The following PSIP1 variants were observed in gnomAD, a reference collection of about 807,000 sequenced individuals.
PSIP1 encodes the protein PC4 and SRSF1 interacting protein 1.
PSIP1 carries 19 observed loss-of-function variants against 74.7 expected under a neutral mutation model. The observed-to-expected ratio is 0.25, with a 90% CI of 0.18 to 0.37. The LOEUF is 0.37. Ranked by LOEUF, PSIP1 falls within the 10% of genes least tolerant of loss-of-function variation. The pLI is 1.00. For missense variants in PSIP1, 601 were observed against 614.3 expected (o/e 0.98, Z 0.23); for synonymous variants, 222 against 195.3 (o/e 1.14, Z -1.14).
At chr9:15,502,714 A>G (rs993828191) in intron 3 of PSIP1, among the ~76,000 whole-genome samples, 6 of 152,258 alleles carry the variant, frequency 3.9e-5, no homozygotes, top group African/African-American at 9.6e-5. Flanking sequence ...GGGAAAGACT[A>G]TAACATGTAA....
Position 15,485,982 on chromosome 9 carries a change from T to C in PSIP1, c.456+24A>G, listed in dbSNP as rs1464926675. 1.3e-5 allele frequency: 21 copies of C among 1,568,828 alleles called. No homozygotes were observed. In the East Asian group the frequency reaches 1.8e-4, roughly 13 times the overall value. Reference sequence around the variant, plus strand: ...AATAAAAATTCTTTTCAGATCCCCATGGTTGGTAAGTCAGTGAAATTACCT... The same window carrying C: ...AATAAAAATTCTTTTCAGATCCCCACGGTTGGTAAGTCAGTGAAATTACCT... On this transcript the variant is annotated intron_variant, in intron 6 of 15. Transcript: ENST00000380733.
At chr9:15,490,667 A>G (rs186874658) in intron 3 of PSIP1, among the ~76,000 whole-genome samples, 3,406 of 129,110 alleles carry the variant, frequency 0.026, 55 homozygotes, top group Non-Finnish European at 0.041. Flanking sequence ...TGGGTGACAG[A>G]GTGAGACTCT....
At position 15,464,659 on chromosome 9, in the gene PSIP1, G is replaced by A. The variant is rs949902310; in HGVS notation, c.*861C>T. The A allele has an allele frequency of 5.0e-6, 1 of 198,358 alleles. No homozygotes were observed. Among genetic ancestry groups the A allele is most frequent in the Non-Finnish European group, 1.0e-5 (1 of 96,170 alleles). 12.3% of individuals were successfully genotyped at this position (198,358 alleles called of 1,614,324 possible). On this transcript the variant is annotated 3_prime_UTR_variant, in exon 16 of 16. Transcript: ENST00000380733. Reference sequence around the variant, plus strand: ...TTTTTTCTTCCAATTAAGTTTTAGTGACTTCCTAAAGACATTTTTAACAAC... The same window carrying A: ...TTTTTTCTTCCAATTAAGTTTTAGTAACTTCCTAAAGACATTTTTAACAAC...
At chr9:15,498,216 G>A (rs1357107383) in intron 3 of PSIP1, among the ~76,000 whole-genome samples, 1 of 152,112 alleles carries the variant, frequency 6.6e-6, no homozygotes, top group African/African-American at 2.4e-5. Flanking sequence ...AGGAGTTCGA[G>A]ACCAGCCTGG....
Position 15,477,852 on chromosome 9 carries a change from T to G in PSIP1, c.629+625A>C, listed in dbSNP as rs575592183. 3.3e-5 allele frequency among the ~76,000 whole-genome samples: 5 copies of G among 152,154 alleles called. No individual in the cohort carries two copies. The East Asian group carries it at 5.8e-4, about 18-fold the overall frequency. Reference sequence around the variant, plus strand: ...ATTCTAGAGGAGATAAAAAAAAGATTTGTAGGCTAGGCACGTGGCTCACCC... The same window carrying G: ...ATTCTAGAGGAGATAAAAAAAAGATGTGTAGGCTAGGCACGTGGCTCACCC... On this transcript the variant is annotated intron_variant, in intron 8 of 15. Transcript: ENST00000380733.
At position 15,469,999 on chromosome 9, in the gene PSIP1, A is replaced by G. The variant is rs1320635329; in HGVS notation, c.978-6T>C. The G allele has an allele frequency of 1.3e-6, 2 of 1,599,722 alleles. No individual in the cohort carries two copies. The highest frequency in any genetic ancestry group is 8.5e-7 in the Non-Finnish European group (1 of 1,172,872). ...TTCCTTCATCTTTATTCTGCCTATC[A>G]AATGTTAACAAAAATATTTCAACAC... On this transcript the variant is annotated splice_polypyrimidine_tract_variant and splice_region_variant and intron_variant, in intron 10 of 15. Coordinates refer to ENST00000380733, the MANE Select transcript of PSIP1 (RefSeq NM_033222.5).
chr9:15,498,667 T>C (rs536970123), intron 3 of PSIP1, among the ~76,000 whole-genome samples: 1 of 151,996 alleles, frequency 6.6e-6, no homozygotes, highest in East Asian at 1.9e-4. Flanking sequence ...AAATTACATA[T>C]AAAAAAATCC....
rs182304393 is a variant in PSIP1, at chr9:15,466,816, A to G, written c.1464T>C (p.Asn488=). The stretch of plus-strand genomic sequence containing the variant: ...TGCTCTCCCCGTTATGTTGTGGCTG[A>G]TTACCATCTTGAGCATCAGATCCTC... ...LNGGSDAQDG[N]QPQHNGESNE... is the part of the protein sequence containing the mutation. Residue 488 remains asparagine (N), a synonymous_variant, in exon 15 of 16, where the codon AAT becomes AAC. Transcript: ENST00000380733. The G allele has an allele frequency of 1.4e-5, 22 of 1,613,360 alleles. No individual in the cohort carries two copies. In the African/African-American group the frequency reaches 2.1e-4, roughly 16 times the overall value.
rs1563871198 is a variant in PSIP1 at position 15,474,216 on chromosome 9, AC to A, written c.650del (p.Ser217IlefsTer48). ...ESDIITEEDKSKKKGQEEKQP... is the reference protein window; with the variant it reads ...ESDIITEEDKXKKKGQEEKQP... ...GTTTTTCCTCTTGCCCCTTTTTCTT[AC>A]TTTTGTCCTCTTCAGTAATGCTATT... On this transcript the variant is annotated frameshift_variant, in exon 9 of 16. Coordinates refer to ENST00000380733, the MANE Select transcript of PSIP1 (RefSeq NM_033222.5). LOFTEE classifies it high-confidence loss of function. 6.2e-7 allele frequency: 1 copy of A among 1,610,384 alleles called. No individual in the cohort carries two copies. Among genetic ancestry groups the A allele is most frequent in the Non-Finnish European group, 8.5e-7 (1 of 1,179,202 alleles).
chr9:15,484,807 G>A (rs933747042), intron 6 of PSIP1, among the ~76,000 whole-genome samples: 1 of 151,874 alleles, frequency 6.6e-6, no homozygotes, highest in African/African-American at 2.4e-5. Flanking sequence ...CAGCTACTTG[G>A]GAGGCCGAGG....
intron 4 of PSIP1, among the ~76,000 whole-genome samples, chr9:15,487,949 A>G (rs2036627380): frequency 6.6e-6 from 1 of 152,214 alleles, no homozygotes; most frequent in South Asian, 2.1e-4. Context: ...GCAATGAAAG[A>G]TTTATATGTT....
At chr9:15,510,087 T>G (rs767196545) in intron 2 of PSIP1, 30 bp downstream of exon 2, 1 of 1,595,392 alleles carries the variant, frequency 6.3e-7, no homozygotes. Flanking sequence ...AGGGTAGCAC[T>G]GCTAAGCGCG....
chr9:15,468,652 T>A lies in PSIP1; in HGVS notation c.1398A>T (p.Lys466Asn). The part of the protein sequence containing the change: ...TKDQGKKGPN[K>N]KLEKEQTGSK... ...TACCTGTTTGTTCCTTCTCTAGCTTTTTGTTTGGCCCTTTCTTCCCTTGAT... is the reference window on the plus strand; with the variant it reads ...TACCTGTTTGTTCCTTCTCTAGCTTATTGTTTGGCCCTTTCTTCCCTTGAT... The change falls in exon 14 of 16, where the codon AAA becomes AAT. Residue 466 changes from lysine (K) to asparagine (N), a missense_variant. This residue lies in a region of PSIP1 where 538 missense variants were observed against 507.6 expected (regional missense o/e 1.06). Transcript: ENST00000380733. The A allele has an allele frequency of 6.2e-7, 1 of 1,614,140 alleles. No individual in the cohort carries two copies. The highest frequency in any genetic ancestry group is 8.5e-7 in the Non-Finnish European group (1 of 1,179,980).
chr9:15,499,554 T>C (rs2037235352), intron 3 of PSIP1, among the ~76,000 whole-genome samples: 1 of 152,156 alleles, frequency 6.6e-6, no homozygotes, highest in Admixed American at 6.6e-5. Context: ...AAAATTCAGT[T>C]GTTACACAAC....
chr9:15,507,042 G>T (rs926994735), intron 2 of PSIP1, among the ~76,000 whole-genome samples: 1 of 152,084 alleles, frequency 6.6e-6, no homozygotes, highest in South Asian at 2.1e-4. Context: ...GAACCTATTT[G>T]ACAACCCTAA....
chr9:15,466,685 G>GAACTGTGATTAAAAACCTGAATAATAA, intron 15 of PSIP1, 63 bp downstream of exon 15: 1 of 1,307,890 alleles, frequency 7.6e-7, no homozygotes, highest in African/African-American at 1.5e-5. Context: ...CCTTGGAACA[G>GAACTGTGATTAAAAACCTGAATAATAA]AACTGTGATT....
At position 15,510,206 on chromosome 9, in the gene PSIP1, G is replaced by T. The variant is rs531611970; in HGVS notation, c.-18C>A. The T allele has an allele frequency of 3.1e-6, 5 of 1,598,246 alleles. No homozygotes were observed. The highest frequency in any genetic ancestry group is 4.3e-6 in the Non-Finnish European group (5 of 1,173,016). On this transcript the variant is annotated 5_prime_UTR_variant, in exon 2 of 16. Coordinates refer to ENST00000380733, the MANE Select transcript of PSIP1 (RefSeq NM_033222.5). ...CGAGTCATGTTTCGGGGGCGAGACC[G>T]GGGGTCCGAAGCCCGGGAGGCGGCG...
intron 6 of PSIP1, among the ~76,000 whole-genome samples, chr9:15,482,058 C>A (rs2036360063): frequency 6.6e-6 from 1 of 152,100 alleles, no homozygotes; most frequent in South Asian, 2.1e-4. Context: ...ATCTAACCCT[C>A]ATTTTCTCTT....
intron 4 of PSIP1, among the ~76,000 whole-genome samples, chr9:15,487,235 G>A (rs1348223554): frequency 6.6e-6 from 1 of 151,788 alleles, no homozygotes; most frequent in East Asian, 1.9e-4. Flanking sequence ...TGGTGACAAG[G>A]CTTGGCAATT....
Sources: allele counts gnomAD v4.1 joint callset (sites outside exome capture counted in the v4.1 genomes callset), GRCh38; gene constraint gnomAD v4.1.1; regional missense constraint gnomAD v4.1.1; transcripts MANE v1.5; gene names NCBI Gene and HGNC (gene_info 2026-07-23, HGNC 2026-07-21).